The following SHROOM3 variants were observed in gnomAD, a reference collection of about 807,000 sequenced individuals.
SHROOM3 encodes protein Shroom3.
In SHROOM3, 47 loss-of-function variants were observed where a neutral mutation model predicts 138.6. The ratio of observed to expected loss-of-function variants is 0.34; its 90% CI spans 0.27 to 0.43. The LOEUF is 0.43. Among genes scored for constraint, SHROOM3 ranks in the 20% least tolerant of loss-of-function variants. SHROOM3 has a pLI of 1.00. For missense variants in SHROOM3, 2,491 were observed against 2,596.5 expected, an observed-to-expected ratio of 0.96 and a Z score of 0.88; for synonymous variants, 1,062 against 1,063.3, an observed-to-expected ratio of 1.00 and a Z score of 0.02.
chr4:76,721,184 G>A (rs61203806), intron 3 of SHROOM3, among the ~76,000 whole-genome samples: 21,851 of 150,180 alleles, frequency 0.15, 2,091 homozygotes, highest in African/African-American at 0.25. Context: ...AGTGGCGGGC[G>A]CCTGTAGTCC....
chr4:76,739,935 A>G lies in SHROOM3; in HGVS notation c.1762A>G (p.Arg588Gly). 1 of 1,614,162 alleles carries G rather than the reference A, an allele frequency of 6.2e-7. No homozygotes were observed. Among genetic ancestry groups the G allele is most frequent in the Non-Finnish European group, 8.5e-7 (1 of 1,180,036 alleles). ...PQGNSPHSNERKSTHSNKPSS... is the reference protein window; with the variant it reads ...PQGNSPHSNEGKSTHSNKPSS... The stretch of plus-strand genomic sequence containing the variant: ...AGGCAACAGCCCACATTCCAATGAG[A>G]GAAAGAGCACCCACAGTAACAAACC... Residue 588 changes from arginine (R) to glycine (G), a missense_variant, in exon 5 of 11, where the codon AGA (arginine) becomes GGA (glycine). Arg to Gly is a moderately radical substitution (Grantham distance 125). This residue lies in a region of SHROOM3 where 1,733 missense variants were observed against 1,661.6 expected (regional missense o/e 1.04). Transcript: ENST00000296043.
chr4:76,484,879 T>C (rs562313441), intron 1 of SHROOM3, among the ~76,000 whole-genome samples: 131 of 152,158 alleles, frequency 8.6e-4, no homozygotes, highest in Non-Finnish European at 1.6e-3. Context: ...CCAAGCTCTC[T>C]TGCTGCCCAG....
At chr4:76,662,059 G>A (rs1718515124) in intron 2 of SHROOM3, among the ~76,000 whole-genome samples, 1 of 152,146 alleles carries the variant, frequency 6.6e-6, no homozygotes, top group Non-Finnish European at 1.5e-5. Flanking sequence ...GAAGTGTCTT[G>A]AAGCAGCACT....
intron 1 of SHROOM3, among the ~76,000 whole-genome samples, chr4:76,466,487 G>A (rs1731251463): frequency 6.6e-6 from 1 of 152,186 alleles, no homozygotes; most frequent in African/African-American, 2.4e-5. Context: ...CTTCTGCCTT[G>A]TAGATAGACT....
chr4:76,577,458 C>T (rs992923504), intron 2 of SHROOM3, among the ~76,000 whole-genome samples: 43 of 152,112 alleles, frequency 2.8e-4, no homozygotes, highest in African/African-American at 8.2e-4. Flanking sequence ...TTCCAGCCTC[C>T]CTAGAGGCAG....
chr4:76,595,264 T>C (rs772489755), intron 2 of SHROOM3, among the ~76,000 whole-genome samples: 1 of 152,236 alleles, frequency 6.6e-6, no homozygotes, highest in Non-Finnish European at 1.5e-5. Context: ...CACTTTCTTT[T>C]TGGATTACAT....
At chr4:76,596,375 G>A (rs1292875557) in intron 2 of SHROOM3, among the ~76,000 whole-genome samples, 2 of 152,062 alleles carry the variant, frequency 1.3e-5, no homozygotes, top group East Asian at 1.9e-4. Context: ...TCACACCACC[G>A]TACTCCAGCC....
At position 76,471,970 on chromosome 4, in the gene SHROOM3, G is replaced by T. The variant is rs114685045; in HGVS notation, c.168+35750G>T. Among the ~76,000 whole-genome samples the T allele has an allele frequency of 3.8e-3, 573 of 152,226 alleles. 4 individuals carry two copies. Among genetic ancestry groups the T allele is most frequent in the African/African-American group, 0.013 (551 of 41,542 alleles). The stretch of plus-strand genomic sequence containing the variant: ...GTTTGTTAGTTGTATGATCAAGGGT[G>T]TTACTTACCCTCAGTAAGTCTAGTG... On this transcript the variant is annotated intron_variant, in intron 1 of 10. Coordinates refer to ENST00000296043, the MANE Select transcript of SHROOM3 (RefSeq NM_020859.4).
intron 5 of SHROOM3, among the ~76,000 whole-genome samples, chr4:76,745,718 C>T (rs1024328357): frequency 6.6e-6 from 1 of 152,198 alleles, no homozygotes; most frequent in Admixed American, 6.5e-5. Context: ...CAGTGGTGCA[C>T]ACCTGTAATC....
chr4:76,758,134 T>C (rs1427326867), intron 8 of SHROOM3: 4 of 152,190 alleles, frequency 2.6e-5, no homozygotes, highest in African/African-American at 7.2e-5. Flanking sequence ...ATTTTCAGAT[T>C]TGGGAAACAG....
intron 2 of SHROOM3, among the ~76,000 whole-genome samples, chr4:76,693,773 C>T (rs1200628349): frequency 1.3e-5 from 2 of 150,478 alleles, no homozygotes; most frequent in South Asian, 2.1e-4. Context: ...TTGGTTTTGC[C>T]AGCAGAAGTA....
At chr4:76,618,321 G>A (rs888930166) in intron 2 of SHROOM3, among the ~76,000 whole-genome samples, 7 of 152,050 alleles carry the variant, frequency 4.6e-5, no homozygotes, top group African/African-American at 1.7e-4. Context: ...AGTAATTAAT[G>A]TTGTTAAAAC....
At chr4:76,651,848 TATAC>T (rs1205205238) in intron 2 of SHROOM3, among the ~76,000 whole-genome samples, 1 of 152,200 alleles carries the variant, frequency 6.6e-6, no homozygotes, top group African/African-American at 2.4e-5. Context: ...ATGAGTCATC[TATAC>T]AGCAAATCGG....
intron 2 of SHROOM3, among the ~76,000 whole-genome samples, chr4:76,679,353 C>G (rs1258883688): frequency 2.0e-5 from 3 of 152,130 alleles, no homozygotes; most frequent in Non-Finnish European, 2.9e-5. Context: ...CTCATTATCT[C>G]CTACACTGTT....
intron 1 of SHROOM3, among the ~76,000 whole-genome samples, chr4:76,534,048 T>G (rs1195452476): frequency 6.6e-6 from 1 of 152,148 alleles, no homozygotes; most frequent in Admixed American, 6.5e-5. Flanking sequence ...GGCATGAAAT[T>G]CAGAGACTCG....
chr4:76,517,284 A>G (rs897273709), intron 1 of SHROOM3, among the ~76,000 whole-genome samples: 3 of 152,200 alleles, frequency 2.0e-5, no homozygotes, highest in African/African-American at 4.8e-5. Context: ...CCCAGTTTAC[A>G]TGCAGTTGGC....
chr4:76,482,779 A>G (rs980990507), intron 1 of SHROOM3, among the ~76,000 whole-genome samples: 3 of 152,250 alleles, frequency 2.0e-5, no homozygotes, highest in Admixed American at 6.5e-5. Context: ...CCAAAACAGC[A>G]TGGTACTGGT....
At chr4:76,666,800 T>C (rs1388247212) in intron 2 of SHROOM3, among the ~76,000 whole-genome samples, 1 of 152,142 alleles carries the variant, frequency 6.6e-6, no homozygotes, top group Admixed American at 6.5e-5. Flanking sequence ...TCATTGATGA[T>C]AGACAAAGGG....
At chr4:76,717,484 C>T (rs1049091711) in intron 3 of SHROOM3, among the ~76,000 whole-genome samples, 8 of 152,120 alleles carry the variant, frequency 5.3e-5, no homozygotes, top group Non-Finnish European at 1.2e-4. Flanking sequence ...GTCTATGTTA[C>T]ACCTTTTGTA....
Sources: gnomAD v4.1 joint callset for allele counts (sites outside exome capture counted in the v4.1 genomes callset) on GRCh38, gnomAD v4.1.1 for gene constraint, gnomAD v4.1.1 regional missense constraint, MANE v1.5 for transcripts, NCBI Gene and HGNC (gene_info 2026-07-23, HGNC 2026-07-21) for gene names.